The following PARP4 variants were observed in gnomAD, a reference collection of about 807,000 sequenced individuals.
PARP4 encodes the protein protein mono-ADP-ribosyltransferase PARP4.
Under a neutral mutation model 187.7 loss-of-function variants are expected in PARP4, and 120 were observed. The ratio of observed to expected loss-of-function variants is 0.64; its 90% confidence interval spans 0.55 to 0.74. The LOEUF (loss-of-function observed/expected upper bound fraction) is 0.74. Among genes scored for constraint, PARP4 ranks in the 30% least tolerant of loss-of-function variants. The probability of loss-of-function intolerance (pLI) is 0.00; values close to 1 mark genes in which losing one functional copy is unlikely to be tolerated. For missense variants in PARP4, 1,836 were observed against 2,070.5 expected, an observed-to-expected ratio of 0.89 and a Z score of 2.20; for synonymous variants, 654 against 740.9, an observed-to-expected ratio of 0.88 and a Z score of 1.90.
At position 24,475,471 on chromosome 13, in the gene PARP4, C is replaced by T. The variant is rs1188322434; in HGVS notation, c.1914+1G>A. On this transcript the variant is annotated splice_donor_variant, in intron 15 of 33. Coordinates refer to ENST00000381989, the MANE Select transcript of PARP4 (RefSeq NM_006437.4). LOFTEE classifies it high-confidence loss of function. ...GTGTCATAAAGCCACAGACAACATA[C>T]CTGGGCTACAGTGTCTATGATTCTC... 8 of 1,613,132 alleles carry T rather than the reference C, an allele frequency of 5.0e-6. No homozygotes were observed. The highest frequency in any genetic ancestry group is 6.8e-6 in the Non-Finnish European group (8 of 1,179,308).
chr13:24,437,433 CAT>C (rs763807025), intron 30 of PARP4, among the ~76,000 whole-genome samples: 1 of 152,058 alleles, frequency 6.6e-6, no homozygotes, highest in East Asian at 1.9e-4. Context: ...ATCAAAATAA[CAT>C]GTGGAATACC....
chr13:24,450,876 A>T (rs1871480921), intron 24 of PARP4, among the ~76,000 whole-genome samples: 1 of 150,484 alleles, frequency 6.6e-6, no homozygotes. Flanking sequence ...ACATTTTTCA[A>T]TTTTTTTTTT....
chr13:24,463,902 C>A (rs565351074), intron 17 of PARP4, among the ~76,000 whole-genome samples: 18 of 152,202 alleles, frequency 1.2e-4, no homozygotes, highest in South Asian at 6.2e-4. Context: ...AAAACCCCAT[C>A]ATCTCAGCCC....
intron 5 of PARP4, among the ~76,000 whole-genome samples, chr13:24,498,604 A>T (rs1221370008): frequency 6.6e-6 from 1 of 152,156 alleles, no homozygotes; most frequent in Non-Finnish European, 1.5e-5. Context: ...ATCTATATAT[A>T]TATTTTAGAG....
chr13:24,479,642 G>GTC (rs1873163484), intron 12 of PARP4, among the ~76,000 whole-genome samples: 1 of 152,146 alleles, frequency 6.6e-6, no homozygotes. Flanking sequence ...GAACCTTTGT[G>GTC]TCTAGCTCAG....
At chr13:24,431,630 C>T (rs1268109713) in intron 31 of PARP4, among the ~76,000 whole-genome samples, 154 bp from the exon 32 acceptor site, 9 of 152,124 alleles carry the variant, frequency 5.9e-5, no homozygotes, top group Admixed American at 3.9e-4. Context: ...CAGCACCACA[C>T]GGTATGCCCA....
At chr13:24,489,628 T>TA (rs1274681548) in intron 10 of PARP4, among the ~76,000 whole-genome samples, 6 of 151,878 alleles carry the variant, frequency 4.0e-5, no homozygotes, top group South Asian at 4.2e-4. Flanking sequence ...AAAAATAAAA[T>TA]AAAAAAACAA....
intron 12 of PARP4, among the ~76,000 whole-genome samples, chr13:24,482,648 T>G (rs1283518748): frequency 8.5e-6 from 1 of 117,550 alleles, no homozygotes; most frequent in South Asian, 3.4e-4. Flanking sequence ...ATTAAGGTTA[T>G]GTACATTGTT....
In PARP4 at chr13:24,459,292, A is replaced by C. The variant is rs1457240775; in HGVS notation, c.2317T>G (p.Cys773Gly). Residue 773 changes from cysteine (C) to glycine (G), a missense_variant, in exon 19 of 34, where the codon TGT becomes GGT. Transcript: ENST00000381989. ...ENLQDTVEKI[C>G]IKEIGTKQSF... The stretch of plus-strand genomic sequence containing the variant: ...TGCTTTGTTCCTATTTCTTTTATAC[A>C]AATCTTCTCTACTGTATCCTGTTAA... 3 of 1,574,380 alleles carry C rather than the reference A, an allele frequency of 1.9e-6. No individual in the cohort carries two copies. The highest frequency in any genetic ancestry group is 2.6e-6 in the Non-Finnish European group (3 of 1,154,070).
At chr13:24,511,573 T>A (rs1296867002) in intron 1 of PARP4, among the ~76,000 whole-genome samples, 1 of 152,208 alleles carries the variant, frequency 6.6e-6, no homozygotes, top group Non-Finnish European at 1.5e-5. Context: ...ACCATTGGTG[T>A]AGGTGGAATC....
At chr13:24,444,505 C>G (rs555867834) in intron 27 of PARP4, among the ~76,000 whole-genome samples, 1 of 152,178 alleles carries the variant, frequency 6.6e-6, no homozygotes, top group East Asian at 1.9e-4. Flanking sequence ...AAAAACCCAG[C>G]AATGTCTGGG....
At chr13:24,450,886 T>TA (rs906078083) in intron 24 of PARP4, among the ~76,000 whole-genome samples, 2 of 152,170 alleles carry the variant, frequency 1.3e-5, no homozygotes, top group African/African-American at 4.8e-5. Flanking sequence ...ATTTTTTTTT[T>TA]ATTTTTAAAG....
intron 31 of PARP4, among the ~76,000 whole-genome samples, chr13:24,431,834 A>G (rs1870352681): frequency 6.6e-6 from 1 of 152,384 alleles, no homozygotes; most frequent in Admixed American, 6.5e-5. Context: ...AATGCTATGA[A>G]CACTACATAT....
At chr13:24,475,258 T>C (rs971394799) in intron 15 of PARP4, among the ~76,000 whole-genome samples, 5 of 152,196 alleles carry the variant, frequency 3.3e-5, no homozygotes, top group African/African-American at 1.2e-4. Context: ...CCCCACACAG[T>C]GTGTGCTCCA....
intron 10 of PARP4, among the ~76,000 whole-genome samples, chr13:24,488,508 C>T (rs1459122689): frequency 1.3e-5 from 2 of 152,062 alleles, no homozygotes; most frequent in Non-Finnish European, 2.9e-5. Flanking sequence ...CGTGTGCCAC[C>T]ATGCCCGGCT....
chr13:24,508,112 T>C (rs757966607), intron 1 of PARP4, among the ~76,000 whole-genome samples: 1 of 152,134 alleles, frequency 6.6e-6, no homozygotes, highest in Non-Finnish European at 1.5e-5. Context: ...AGGGGTACCA[T>C]AAAAGAGATT....
Position 24,433,816 on chromosome 13 carries a change from A to G in PARP4, c.4746+579T>C, listed in dbSNP as rs1220071560. On this transcript the variant is annotated intron_variant, in intron 31 of 33. Transcript: ENST00000381989. The stretch of plus-strand genomic sequence containing the variant: ...TACTACATCAAGCCCTTTCCGTTTC[A>G]CTAAACTACTTGACACCAAAACAAG... Among the ~76,000 whole-genome samples, 4 of 152,400 alleles carry G rather than the reference A, an allele frequency of 2.6e-5. No individual in the cohort carries two copies. In the East Asian group the frequency reaches 7.7e-4, roughly 29 times the overall value.
At chr13:24,425,605 C>CTATA (rs113002264) in intron 33 of PARP4, among the ~76,000 whole-genome samples, 7 of 146,990 alleles carry the variant, frequency 4.8e-5, no homozygotes, top group African/African-American at 1.3e-4. Context: ...ATATCTATAT[C>CTATA]TATATATCTC....
In PARP4 at chr13:24,431,476, C is replaced by T. The variant is rs772764244; in HGVS notation, c.4747G>A (p.Asp1583Asn). Residue 1583 changes from aspartate (D) to asparagine (N), a missense_variant and splice_region_variant, in exon 32 of 34, where the codon GAT (aspartate) becomes AAT (asparagine). Asp to Asn is a conservative substitution (Grantham distance 23, BLOSUM62 1). Around this residue, in one of 8 missense-constraint regions of PARP4, gnomAD observed 450 missense variants for 439.2 expected, o/e 1.02. Transcript: ENST00000381989. Reference protein sequence around the residue: ...WTELLSLQTEDGFWKLTPELG... With the variant: ...WTELLSLQTENGFWKLTPELG... The stretch of plus-strand genomic sequence containing the variant: ...TCTGGTGTAAGTTTCCAGAAGCCAT[C>T]CTACAAAATTAAGGAAACAAAAATA... The T allele has an allele frequency of 1.9e-6, 3 of 1,563,084 alleles. No individual in the cohort carries two copies. In the South Asian group the frequency reaches 3.5e-5, roughly 18 times the overall value.
Sources: gnomAD v4.1 joint callset for allele counts (sites outside exome capture counted in the v4.1 genomes callset) on GRCh38, gnomAD v4.1.1 for gene constraint, gnomAD v4.1.1 regional missense constraint, MANE v1.5 for transcripts, NCBI Gene and HGNC (gene_info 2026-07-23, HGNC 2026-07-21) for gene names.